The following CLUH variants were observed in gnomAD, a reference collection of about 807,000 sequenced individuals.
CLUH encodes clustered mitochondria protein homolog.
A neutral mutation model predicts 139.3 loss-of-function variants in CLUH; 77 were observed. That is an observed-to-expected ratio of 0.55 (90% CI 0.46 to 0.67). The LOEUF (loss-of-function observed/expected upper bound fraction) is 0.67, where lower values mean the gene tolerates loss of function less well. Ranked by LOEUF, CLUH falls within the 30% of genes least tolerant of loss-of-function variation. CLUH has a pLI of 0.00. For synonymous variants in CLUH, 999 were observed against 801.6 expected (o/e 1.25, Z -4.16); for missense variants, 1,876 against 1,875.8 (o/e 1.00, Z 0.00).
intron 1 of CLUH, among the ~76,000 whole-genome samples, chr17:2,709,725 G>C (rs898708174): frequency 6.6e-6 from 1 of 152,174 alleles, no homozygotes; most frequent in Admixed American, 6.5e-5. Flanking sequence ...TTCCAGAGCT[G>C]GATCTCAGAG....
At chr17:2,698,884 A>G (rs2070074105) in intron 9 of CLUH, among the ~76,000 whole-genome samples, 1 of 152,074 alleles carries the variant, frequency 6.6e-6, no homozygotes. Context: ...TCTCTAATAA[A>G]AATACAAAAA....
rs979716156 is a variant in CLUH at position 2,694,837 on chromosome 17, C to A, written c.2852+20G>T. ...ATCTGCCCAATCCCACCCACCCCAC[C>A]GCCCCTGCCCCGCACGCACCACTCG... On this transcript the variant is annotated intron_variant, in intron 16 of 25. Coordinates refer to ENST00000651024, the MANE Select transcript of CLUH (RefSeq NM_001366661.1). 2 of 1,467,112 alleles carry A rather than the reference C, an allele frequency of 1.4e-6. No individual in the cohort carries two copies. Among genetic ancestry groups the A allele is most frequent in the South Asian group, 1.4e-5 (1 of 70,682 alleles). 90.9% of individuals were successfully genotyped at this position (1,467,112 alleles called of 1,614,324 possible). A position where few individuals can be genotyped will look rare whatever the true frequency, so the allele number is the denominator to read the frequency against.
Position 2,690,602 on chromosome 17 carries a change from G to A in CLUH, c.4039C>T (p.Gln1347Ter), listed in dbSNP as rs2069583805. ...PAAKDPSPSV[Q>*]G ...TCCGTCTGGCTCCCTCTCTATCCCT[G>A]CACGCTCGGAGAAGGGTCCTTGGCA... Residue 1347 changes from glutamine (Q) to a stop codon, truncating the protein, a stop_gained, in exon 26 of 26, where the codon CAG (glutamine) becomes TAG (stop). Transcript: ENST00000651024. LOFTEE classifies it high-confidence loss of function. 3.4e-6 allele frequency: 5 copies of A among 1,484,912 alleles called. No individual in the cohort carries two copies. Among genetic ancestry groups the A allele is most frequent in the South Asian group, 2.7e-5 (2 of 72,972 alleles). The allele number at this position is 1,484,912 out of a possible 1,614,324, so 92.0% of individuals were successfully genotyped here. A position where few individuals can be genotyped will look rare whatever the true frequency, so the allele number is the denominator to read the frequency against.
rs1479168382 is a variant in CLUH at position 2,696,246 on chromosome 17, A to G, written c.2304T>C (p.Pro768=). The G allele has an allele frequency of 2.5e-6, 4 of 1,573,260 alleles. No individual in the cohort carries two copies. The highest frequency in any genetic ancestry group is 3.4e-6 in the Non-Finnish European group (4 of 1,159,886). Residue 768 remains proline, a synonymous_variant, in exon 13 of 26, where the codon CCT becomes CCC. Coordinates refer to ENST00000651024, the MANE Select transcript of CLUH (RefSeq NM_001366661.1). ...CCCGAACTTCATCCTGGCAGGACTC[A>G]GGGAAACGAACCCCTGGAGGAGGGA... is the stretch of plus-strand genomic sequence containing the variant. The part of the protein sequence containing the change: ...PDIFSPGVRF[P]ESCQDEVRDQ...
rs771552882 is a variant in CLUH at position 2,696,733 on chromosome 17, G to T, written c.2171C>A (p.Ala724Glu). 2.4e-5 allele frequency: 39 copies of T among 1,612,052 alleles called. No homozygotes were observed. The highest frequency in any genetic ancestry group is 2.0e-4 in the Admixed American group (12 of 60,002). The change falls in exon 11 of 26, where the codon GCA becomes GAA. Residue 724 changes from alanine to glutamate, a missense_variant. By Grantham distance (107) the Ala-to-Glu change is moderately radical. This residue lies in a region of CLUH where 1,454 missense variants were observed against 1,384.4 expected (regional missense o/e 1.05). Coordinates refer to ENST00000651024, the MANE Select transcript of CLUH (RefSeq NM_001366661.1). ...KVKELAETIAADDGTADPRSR... is the reference protein window; with the variant it reads ...KVKELAETIAEDDGTADPRSR... ...AGCAGCCCCACCTGTGCCGTCGTCT[G>T]CGGCGATGGTCTCTGCCAGCTCCTT...
Position 2,701,927 on chromosome 17 carries a change from G to A in CLUH, c.606C>T (p.Asp202=), listed in dbSNP as rs763913948. ...NSLSFLSVFT[D]GDLGDSGKRK... The stretch of plus-strand genomic sequence containing the variant: ...TGCCTCCCGCACCTCCCAGGTCGCC[G>A]TCGGTGAAGACACTCAGGAAGGACA... The change falls in exon 4 of 26, where the codon GAC becomes GAT. Residue 202 remains aspartate, a synonymous_variant. Coordinates refer to ENST00000651024, the MANE Select transcript of CLUH (RefSeq NM_001366661.1). 5.8e-5 allele frequency: 94 copies of A among 1,613,760 alleles called. No homozygotes were observed. The highest frequency in any genetic ancestry group is 4.5e-4 in the East Asian group (20 of 44,888).
At chr17:2,696,597 G>T in intron 11 of CLUH, 59 bp from the exon 12 acceptor site, 1 of 1,528,636 alleles carries the variant, frequency 6.5e-7, no homozygotes, top group Non-Finnish European at 8.8e-7. Flanking sequence ...GAGCTGGGCT[G>T]CGCCAAGCCT....
In CLUH at chr17:2,694,269, A is replaced by C; in HGVS notation, c.2945T>G (p.Leu982Arg). The C allele has an allele frequency of 6.3e-7, 1 of 1,589,706 alleles. No individual in the cohort carries two copies. Among genetic ancestry groups the C allele is most frequent in the Non-Finnish European group, 8.6e-7 (1 of 1,166,064 alleles). ...ISLKTGIQVL[L>R]KEYSFDSRHK... ...GCGACTGTCGAAGCTGTACTCCTTC[A>C]GCAGGACCTGGGGGGCAGCCCCCCC... The change falls in exon 18 of 26, where the codon CTG (leucine) becomes CGG (arginine). Residue 982 changes from leucine to arginine, a missense_variant. Leu to Arg is a moderately radical substitution (Grantham distance 102). Coordinates refer to ENST00000651024, the MANE Select transcript of CLUH (RefSeq NM_001366661.1).
In CLUH at chr17:2,692,693, G is replaced by A; in HGVS notation, c.3316C>T (p.His1106Tyr). 6.2e-7 allele frequency: 1 copy of A among 1,610,164 alleles called. No homozygotes were observed. Among genetic ancestry groups the A allele is most frequent in the Non-Finnish European group, 8.5e-7 (1 of 1,178,022 alleles). Residue 1106 changes from histidine (H) to tyrosine (Y), a missense_variant, in exon 21 of 26, where the codon CAC (histidine) becomes TAC (tyrosine). Around this residue, in one of 3 missense-constraint regions of CLUH, gnomAD observed 1,454 missense variants for 1,384.4 expected, o/e 1.05. Coordinates refer to ENST00000651024, the MANE Select transcript of CLUH (RefSeq NM_001366661.1). ...EHPNTIQEYM[H>Y]LALYCFASSQ... The stretch of plus-strand genomic sequence containing the variant: ...CTGGCGAAGCAGTACAGGGCCAGGT[G>A]CATCTGCGGGCGGGGCGGAGACAGG...
chr17:2,690,369 G>A lies in CLUH; in HGVS notation c.*225C>T, dbSNP rs993633281. 1 of 434,876 alleles carries A rather than the reference G, an allele frequency of 2.3e-6. No individual in the cohort carries two copies. Among genetic ancestry groups the A allele is most frequent in the East Asian group, 3.6e-5 (1 of 27,980 alleles). The allele number at this position is 434,876 out of a possible 1,614,324, so 26.9% of individuals were successfully genotyped here. On this transcript the variant is annotated 3_prime_UTR_variant, in exon 26 of 26. Coordinates refer to ENST00000651024, the MANE Select transcript of CLUH (RefSeq NM_001366661.1). ...ACTGATGGCCGCACACGCCATTCAC[G>A]TGTCTCCAATGGGGCCTCTGCATCA... is the stretch of plus-strand genomic sequence containing the variant.
Position 2,700,426 on chromosome 17 carries a change from T to C in CLUH, c.1222A>G (p.Lys408Glu), listed in dbSNP as rs2070134655. The C allele has an allele frequency of 6.2e-7, 1 of 1,613,464 alleles. No homozygotes were observed. The change falls in exon 9 of 26, where the codon AAG becomes GAG. Residue 408 changes from lysine to glutamate, a missense_variant. Lys to Glu is a moderately conservative substitution (Grantham distance 56, BLOSUM62 1). This residue lies in a region of CLUH where 1,454 missense variants were observed against 1,384.4 expected (regional missense o/e 1.05). Coordinates refer to ENST00000651024, the MANE Select transcript of CLUH (RefSeq NM_001366661.1). ...CGGAGCAGCCGCTCAGGCAGGTTCTTGCGAGGCAGCTCCCTCGTCGTCTGC... is the reference window on the plus strand; with the variant it reads ...CGGAGCAGCCGCTCAGGCAGGTTCTCGCGAGGCAGCTCCCTCGTCGTCTGC... Reference protein sequence around the residue: ...ELQTTRELPRKNLPERLLRER... With the variant: ...ELQTTRELPRENLPERLLRER...
At chr17:2,696,102 A>C in intron 13 of CLUH, 57 bp downstream of exon 13, 1 of 1,377,444 alleles carries the variant, frequency 7.3e-7, no homozygotes, top group Non-Finnish European at 1.0e-6. Context: ...TCGGAGACAG[A>C]TGAGGGACCA....
rs1193827538 is a variant in CLUH at position 2,704,581 on chromosome 17, C to T, written c.101-17G>A. 2.6e-6 allele frequency: 4 copies of T among 1,541,050 alleles called. No homozygotes were observed. The highest frequency in any genetic ancestry group is 2.7e-5 in the African/African-American group (2 of 72,994). On this transcript the variant is annotated splice_polypyrimidine_tract_variant and intron_variant, in intron 1 of 25. Coordinates refer to ENST00000651024, the MANE Select transcript of CLUH (RefSeq NM_001366661.1). This position sits in a 1 kb window ranked among gnomAD's most constrained non-coding sequence, Gnocchi z 5.7. ...ATGGCAGCTCTGCGGGTGACAAGAA[C>T]GGGTCAGAATCAGGCAGCCTCGCTG...
Position 2,694,844 on chromosome 17 carries a change from G to GCCCCC in CLUH, c.2852+12_2852+13insGGGGG. 4.8e-6 allele frequency: 7 copies of GCCCCC among 1,445,216 alleles called. No homozygotes were observed. Among genetic ancestry groups the GCCCCC allele is most frequent in the Non-Finnish European group, 6.5e-6 (7 of 1,079,736 alleles). 89.5% of individuals were successfully genotyped at this position (1,445,216 alleles called of 1,614,324 possible). A position where few individuals can be genotyped will look rare whatever the true frequency, so the allele number is the denominator to read the frequency against. ...CAATCCCACCCACCCCACCGCCCCT[G>GCCCCC]CCCCGCACGCACCACTCGAGGTCGA... On this transcript the variant is annotated intron_variant, in intron 16 of 25. Coordinates refer to ENST00000651024, the MANE Select transcript of CLUH (RefSeq NM_001366661.1).
rs780009298 is a variant in CLUH at position 2,693,951 on chromosome 17, G to A, written c.3180C>T (p.Ala1060=). The A allele has an allele frequency of 7.4e-6, 12 of 1,613,814 alleles. No individual in the cohort carries two copies. Among genetic ancestry groups the A allele is most frequent in the Middle Eastern group, 1.6e-4 (1 of 6,062 alleles). ...VYGAMHVETC[A]CLRLLARLHY... ...GGAGGCGGGCGAGGAGGCGCAGGCA[G>A]GCGCAGGTCTCCACGTGCATGGCTC... Residue 1060 remains alanine (A), a synonymous_variant, in exon 19 of 26, where the codon GCC becomes GCT. Coordinates refer to ENST00000651024, the MANE Select transcript of CLUH (RefSeq NM_001366661.1).
Position 2,690,734 on chromosome 17 carries a change from G to A in CLUH, c.3907C>T (p.His1303Tyr). ...TTTCTGCTGGCCTCCTGGAGCTGGTGCCGCCGCGCCACCTCGGCTTTCAGA... is the reference window on the plus strand; with the variant it reads ...TTTCTGCTGGCCTCCTGGAGCTGGTACCGCCGCGCCACCTCGGCTTTCAGA... Reference protein sequence around the residue: ...ENLKAEVARRHQLQEASRNRD... With the variant: ...ENLKAEVARRYQLQEASRNRD... Residue 1303 changes from histidine (H) to tyrosine (Y), a missense_variant, in exon 26 of 26, where the codon CAC (histidine) becomes TAC (tyrosine). This residue lies in a region of CLUH where 1,454 missense variants were observed against 1,384.4 expected (regional missense o/e 1.05). Coordinates refer to ENST00000651024, the MANE Select transcript of CLUH (RefSeq NM_001366661.1). 1 of 1,550,078 alleles carries A rather than the reference G, an allele frequency of 6.5e-7. No homozygotes were observed. Among genetic ancestry groups the A allele is most frequent in the Non-Finnish European group, 8.6e-7 (1 of 1,156,842 alleles).
intron 1 of CLUH, among the ~76,000 whole-genome samples, chr17:2,710,358 C>T (rs1359323608): frequency 2.0e-5 from 3 of 152,222 alleles, no homozygotes; most frequent in Admixed American, 2.0e-4. Flanking sequence ...ACTGCCCCAG[C>T]ACCTGTCCCT....
chr17:2,701,506 C>T lies in CLUH; in HGVS notation c.759G>A (p.Leu253=), dbSNP rs2070179092. ...TCCATCCGCTCATGGTGAGTACTTT[C>T]AGGCACTGCAAGGGCTTCGGGAGCG... ...QNRDWKPLQC[L]KVLTMSGWNP... Residue 253 remains leucine, a synonymous_variant, in exon 6 of 26, where the codon CTG becomes CTA. Transcript: ENST00000651024. The T allele has an allele frequency of 6.2e-7, 1 of 1,613,892 alleles. No homozygotes were observed. Among genetic ancestry groups the T allele is most frequent in the East Asian group, 2.2e-5 (1 of 44,886 alleles).
chr17:2,696,652 T>A, intron 11 of CLUH, 67 bp downstream of exon 11: 1 of 1,574,774 alleles, frequency 6.4e-7, no homozygotes, highest in East Asian at 2.3e-5. Flanking sequence ...CTCTCCCAGG[T>A]GGGGGTCATA....
Sources: allele counts gnomAD v4.1 joint callset (sites outside exome capture counted in the v4.1 genomes callset), GRCh38; gene constraint gnomAD v4.1.1; regional missense constraint gnomAD v4.1.1; non-coding constraint Gnocchi (gnomAD v3.1); transcripts MANE v1.5; gene names NCBI Gene and HGNC (gene_info 2026-07-23, HGNC 2026-07-21).